The following ANKRD29 variants were observed in gnomAD, a reference collection of about 807,000 sequenced individuals.
ANKRD29 encodes the protein ankyrin repeat domain 29.
A neutral mutation model predicts 38.0 loss-of-function variants in ANKRD29; 32 were observed. That is an observed-to-expected ratio of 0.84 (90% CI 0.64 to 1.13). ANKRD29 has a LOEUF of 1.13. Among genes scored for constraint, ANKRD29 ranks in the 50% most tolerant of loss-of-function variants. The probability of loss-of-function intolerance (pLI) is 0.00; values close to 1 mark genes in which losing one functional copy is unlikely to be tolerated. For synonymous variants in ANKRD29, 135 were observed against 152.4 expected, an observed-to-expected ratio of 0.89 and a Z score of 0.84; for missense variants, 357 against 377.9, an observed-to-expected ratio of 0.94 and a Z score of 0.46.
chr18:23,631,111 T>TATGCAGCTGGGTACGATGGC (rs2059926478), intron 5 of ANKRD29, among the ~76,000 whole-genome samples: 1 of 151,874 alleles, frequency 6.6e-6, no homozygotes, highest in African/African-American at 2.4e-5. Flanking sequence ...TAAGATACAA[T>TATGCAGCTGGGTACGATGGC]ATGCAGCTGG....
intron 5 of ANKRD29, among the ~76,000 whole-genome samples, chr18:23,633,398 A>G (rs1357615166): frequency 6.6e-6 from 1 of 152,098 alleles, no homozygotes; most frequent in Non-Finnish European, 1.5e-5. Context: ...ATTTAGAAAA[A>G]TTTTGTATAT....
At chr18:23,629,754 G>T in intron 6 of ANKRD29, 99 bp downstream of exon 6, 2 of 902,894 alleles carry the variant, frequency 2.2e-6, no homozygotes, top group South Asian at 3.0e-5. Context: ...AGGATGCCTT[G>T]AGCTTACTGG....
At chr18:23,638,418 CT>C (rs1258234867) in intron 4 of ANKRD29, among the ~76,000 whole-genome samples, 1 of 152,108 alleles carries the variant, frequency 6.6e-6, no homozygotes, top group Non-Finnish European at 1.5e-5. Context: ...AAACCACCCT[CT>C]TTAGAAATGT....
At chr18:23,628,461 G>A (rs2059889191) in intron 6 of ANKRD29, among the ~76,000 whole-genome samples, 1 of 151,952 alleles carries the variant, frequency 6.6e-6, no homozygotes. Context: ...GATGTGCCTG[G>A]GTATGAAATC....
In ANKRD29 at chr18:23,601,025, T is replaced by C. The variant is rs747678883; in HGVS notation, c.*201A>G. 23 of 492,980 alleles carry C rather than the reference T, an allele frequency of 4.7e-5. No individual in the cohort carries two copies. Among genetic ancestry groups the C allele is most frequent in the Non-Finnish European group, 7.3e-5 (20 of 275,444 alleles). 30.5% of individuals were successfully genotyped at this position (492,980 alleles called of 1,614,324 possible). A position where few individuals can be genotyped will look rare whatever the true frequency, so the allele number is the denominator to read the frequency against. Reference sequence around the variant, plus strand: ...ACAGGACACCATGAGAAGTCCATGGTGAAGGGGCAAGAGGGTCCCTGAGCT... The same window carrying C: ...ACAGGACACCATGAGAAGTCCATGGCGAAGGGGCAAGAGGGTCCCTGAGCT... On this transcript the variant is annotated 3_prime_UTR_variant, in exon 10 of 10. Transcript: ENST00000592179.
At chr18:23,659,000 G>C (rs1307798861) in intron 1 of ANKRD29, among the ~76,000 whole-genome samples, 1 of 151,172 alleles carries the variant, frequency 6.6e-6, no homozygotes, top group Non-Finnish European at 1.5e-5. Context: ...TGTTTGTTTT[G>C]AGACAGAGTC....
At chr18:23,660,503 T>C (rs2060345164) in intron 1 of ANKRD29, among the ~76,000 whole-genome samples, 1 of 152,210 alleles carries the variant, frequency 6.6e-6, no homozygotes. Flanking sequence ...CTGCAGCCAC[T>C]GCCTTTTAAA....
At chr18:23,641,814 G>A (rs2060081516) in intron 3 of ANKRD29, among the ~76,000 whole-genome samples, 1 of 152,238 alleles carries the variant, frequency 6.6e-6, no homozygotes, top group Non-Finnish European at 1.5e-5. Context: ...CCTGTCCACT[G>A]AGAGCAGGAC....
chr18:23,604,016 T>C (rs142046648), intron 9 of ANKRD29, among the ~76,000 whole-genome samples: 3,578 of 152,040 alleles, frequency 0.024, 146 homozygotes, highest in African/African-American at 0.082. Context: ...CTAATTTTTG[T>C]ATTTTAGTAG....
intron 3 of ANKRD29, among the ~76,000 whole-genome samples, chr18:23,645,505 G>A (rs1383334148): frequency 6.6e-6 from 1 of 152,176 alleles, no homozygotes; most frequent in Non-Finnish European, 1.5e-5. Flanking sequence ...AACCTGGGAG[G>A]TGGAGGTTGC....
chr18:23,613,260 C>G (rs993334103), intron 8 of ANKRD29, among the ~76,000 whole-genome samples: 1 of 150,006 alleles, frequency 6.7e-6, no homozygotes, highest in Non-Finnish European at 1.5e-5. Context: ...GCAACCTCTG[C>G]CTCCAGGGCT....
At chr18:23,623,735 C>T (rs1357837944) in intron 6 of ANKRD29, among the ~76,000 whole-genome samples, 3 of 151,968 alleles carry the variant, frequency 2.0e-5, no homozygotes, top group African/African-American at 4.8e-5. Context: ...CTCCGCCTCC[C>T]GGGTTCACGC....
At chr18:23,654,748 T>C (rs1021025070) in intron 1 of ANKRD29, among the ~76,000 whole-genome samples, 2 of 152,036 alleles carry the variant, frequency 1.3e-5, no homozygotes, top group African/African-American at 2.4e-5. Context: ...TCTCCCTACT[T>C]GCCCCCTTCC....
At chr18:23,637,546 T>C (rs888040079) in intron 4 of ANKRD29, among the ~76,000 whole-genome samples, 4 of 152,002 alleles carry the variant, frequency 2.6e-5, no homozygotes, top group African/African-American at 9.7e-5. Context: ...TACAGGCATG[T>C]GCCACCATGC....
intron 6 of ANKRD29, among the ~76,000 whole-genome samples, chr18:23,623,512 C>A (rs958028084): frequency 6.6e-6 from 1 of 152,024 alleles, no homozygotes; most frequent in Non-Finnish European, 1.5e-5. Flanking sequence ...TGATGGGGTG[C>A]AGTGGCTCAC....
At chr18:23,633,435 G>A (rs2059958871) in intron 5 of ANKRD29, among the ~76,000 whole-genome samples, 1 of 152,164 alleles carries the variant, frequency 6.6e-6, no homozygotes, top group Non-Finnish European at 1.5e-5. Context: ...TCCATATGCT[G>A]GGCTTTGTAG....
chr18:23,636,245 C>A (rs1452201483), intron 4 of ANKRD29, among the ~76,000 whole-genome samples: 2 of 151,816 alleles, frequency 1.3e-5, no homozygotes, highest in Non-Finnish European at 2.9e-5. Flanking sequence ...AAGCGATCTT[C>A]CTGCCCTAGC....
At chr18:23,648,677 A>T in intron 2 of ANKRD29, 3 of 370,186 alleles carry the variant, frequency 8.1e-6, no homozygotes, top group Non-Finnish European at 9.7e-6. Context: ...GGAGGCTTCA[A>T]TTTTTGTTTT....
intron 9 of ANKRD29, among the ~76,000 whole-genome samples, chr18:23,610,911 C>T (rs2145639731): frequency 6.6e-6 from 1 of 152,158 alleles, no homozygotes; most frequent in East Asian, 2.0e-4. Context: ...AACTCCTGGG[C>T]TCAAGCAATC....
Sources: allele counts gnomAD v4.1 joint callset (sites outside exome capture counted in the v4.1 genomes callset), GRCh38; gene constraint gnomAD v4.1.1; transcripts MANE v1.5; gene names NCBI Gene and HGNC (gene_info 2026-07-23, HGNC 2026-07-21).